GRK5: variants seen among roughly 807,000 people sequenced by gnomAD.
GRK5 encodes the protein g protein-coupled receptor kinase GRK5.
GRK5 carries 40 observed loss-of-function variants against 78.4 expected under a neutral mutation model. That is an observed-to-expected ratio of 0.51 (90% confidence interval 0.40 to 0.66). The LOEUF (loss-of-function observed/expected upper bound fraction) is 0.66. Ranked by LOEUF, GRK5 falls within the 30% of genes least tolerant of loss-of-function variation. GRK5 has a pLI of 0.00. For synonymous variants in GRK5, 289 were observed against 296.8 expected, an observed-to-expected ratio of 0.97 and a Z score of 0.27; for missense variants, 598 against 759.9, an observed-to-expected ratio of 0.79 and a Z score of 2.50.
In GRK5 at chr10:119,392,213, G is replaced by A. The variant is rs79065540; in HGVS notation, c.262-4482G>A. ...TTTCCACTCTTTGGAAGGCACAGATGTAGAAATAATTCTTTGTTCCTTAAG... is the reference window on the plus strand; with the variant it reads ...TTTCCACTCTTTGGAAGGCACAGATATAGAAATAATTCTTTGTTCCTTAAG... On this transcript the variant is annotated intron_variant, in intron 3 of 15. Coordinates refer to ENST00000392870, the MANE Select transcript of GRK5 (RefSeq NM_005308.3). Among the ~76,000 whole-genome samples, 844 of 152,334 alleles carry A rather than the reference G, an allele frequency of 5.5e-3. 12 individuals are homozygous for A. Among genetic ancestry groups the A allele is most frequent in the African/African-American group, 0.02 (815 of 41,570 alleles).
chr10:119,427,801 A>G (rs1323983177), intron 6 of GRK5, among the ~76,000 whole-genome samples: 1 of 129,250 alleles, frequency 7.7e-6, no homozygotes, highest in African/African-American at 2.5e-5. Flanking sequence ...CATCACCACC[A>G]TCAACAGCAT....
At chr10:119,330,548 A>T (rs1316795251) in intron 2 of GRK5, among the ~76,000 whole-genome samples, 1 of 152,094 alleles carries the variant, frequency 6.6e-6, no homozygotes, top group African/African-American at 2.4e-5. Context: ...TGCAGGGAGG[A>T]TGCGGACATT....
At chr10:119,300,858 C>G (rs1049378292) in intron 1 of GRK5, among the ~76,000 whole-genome samples, 2 of 151,896 alleles carry the variant, frequency 1.3e-5, no homozygotes, top group Non-Finnish European at 2.9e-5. Flanking sequence ...TTTGGGAGGC[C>G]GAAGGTGGAT....
intron 2 of GRK5, among the ~76,000 whole-genome samples, chr10:119,374,029 AG>A (rs1331733310): frequency 6.6e-6 from 1 of 152,206 alleles, no homozygotes; most frequent in Middle Eastern, 3.4e-3. Flanking sequence ...CCTTAGAACC[AG>A]GGGGTGAGAT....
At chr10:119,333,630 A>ACTCAGGGCAGGGCCCCAGCCAGTT in intron 2 of GRK5, 2 of 396,838 alleles carry the variant, frequency 5.0e-6, no homozygotes, top group South Asian at 3.7e-5. Flanking sequence ...CCCAGCCAGT[A>ACTCAGGGCAGGGCCCCAGCCAGTT]CTCAAGGCAG....
At chr10:119,303,013 A>G (rs1410647274) in intron 1 of GRK5, among the ~76,000 whole-genome samples, 2 of 152,158 alleles carry the variant, frequency 1.3e-5, no homozygotes, top group African/African-American at 4.8e-5. Flanking sequence ...CATTTTAGAG[A>G]GGCGGGACCT....
chr10:119,218,095 T>C (rs571232725), intron 1 of GRK5, among the ~76,000 whole-genome samples: 1 of 152,082 alleles, frequency 6.6e-6, no homozygotes, highest in South Asian at 2.1e-4. Context: ...TGTGTGTGTG[T>C]GTGTGTGTTG....
At chr10:119,332,678 C>G (rs1284525673) in intron 2 of GRK5, among the ~76,000 whole-genome samples, 1 of 152,218 alleles carries the variant, frequency 6.6e-6, no homozygotes, top group Non-Finnish European at 1.5e-5. Flanking sequence ...CTGTGCTGCC[C>G]TATGTGAGCT....
At chr10:119,414,824 G>T in intron 4 of GRK5, among the ~76,000 whole-genome samples, 1 of 152,198 alleles carries the variant, frequency 6.6e-6, no homozygotes, top group East Asian at 1.9e-4. Context: ...ACGCATACCT[G>T]TAATCCCAGC....
chr10:119,435,181 G>T (rs187642215), intron 8 of GRK5, among the ~76,000 whole-genome samples: 4 of 152,360 alleles, frequency 2.6e-5, no homozygotes, highest in Non-Finnish European at 4.4e-5. Context: ...GATGGGAGGG[G>T]CTGCTGTGAA....
chr10:119,346,160 C>T (rs955153569), intron 2 of GRK5, among the ~76,000 whole-genome samples: 4 of 152,136 alleles, frequency 2.6e-5, no homozygotes, highest in African/African-American at 9.7e-5. Flanking sequence ...CTGGGCTCTG[C>T]GGGAGCCCAG....
At chr10:119,286,495 G>T (rs570630052) in intron 1 of GRK5, among the ~76,000 whole-genome samples, 60 of 152,374 alleles carry the variant, frequency 3.9e-4, no homozygotes, top group African/African-American at 1.4e-3. Context: ...ACACGTGGGG[G>T]TCTGGAGGGC....
At chr10:119,427,053 T>G (rs1317445574) in intron 6 of GRK5, among the ~76,000 whole-genome samples, 1 of 149,684 alleles carries the variant, frequency 6.7e-6, no homozygotes, top group South Asian at 2.1e-4. Flanking sequence ...ACCACCATCA[T>G]CAATATCACT....
intron 2 of GRK5, among the ~76,000 whole-genome samples, chr10:119,330,894 GC>G (rs1190862823): frequency 1.3e-5 from 2 of 152,164 alleles, no homozygotes; most frequent in Non-Finnish European, 2.9e-5. Context: ...GGTGGTGGGT[GC>G]CTGTAATCCC....
At chr10:119,302,072 T>C (rs984209115) in intron 1 of GRK5, among the ~76,000 whole-genome samples, 1 of 152,240 alleles carries the variant, frequency 6.6e-6, no homozygotes, top group African/African-American at 2.4e-5. Flanking sequence ...CTGGACTTTT[T>C]CCCTTGCAGG....
intron 1 of GRK5, among the ~76,000 whole-genome samples, chr10:119,292,128 ATCTTCCTCCTTCTCCTCC>A (rs1441449279): frequency 1.9e-3 from 13 of 6,820 alleles, no homozygotes; most frequent in South Asian, 0.016. Context: ...CCCTCTCCTC[ATCTTCCTCCTTCTCCTCC>A]TCTTCCTCCT....
chr10:119,442,707 C>T (rs7893151), intron 11 of GRK5, among the ~76,000 whole-genome samples: 4 of 152,350 alleles, frequency 2.6e-5, no homozygotes, highest in East Asian at 3.9e-4. Context: ...GGAGCAGGCA[C>T]GCTGCCGCCC....
intron 5 of GRK5, among the ~76,000 whole-genome samples, chr10:119,423,881 T>C (rs1852620587): frequency 6.6e-6 from 1 of 152,198 alleles, no homozygotes; most frequent in Non-Finnish European, 1.5e-5. Context: ...TGGATGATCT[T>C]AGGGGCTTTT....
chr10:119,447,939 CCAGG>C (rs1853188528), intron 12 of GRK5, among the ~76,000 whole-genome samples, 180 bp from the exon 13 acceptor site: 1 of 152,216 alleles, frequency 6.6e-6, no homozygotes, highest in Admixed American at 6.5e-5. Flanking sequence ...AGGCATCTAG[CCAGG>C]CTGTGAGTGT....
Sources: allele counts gnomAD v4.1 joint callset (sites outside exome capture counted in the v4.1 genomes callset), GRCh38; gene constraint gnomAD v4.1.1; transcripts MANE v1.5; gene names NCBI Gene and HGNC (gene_info 2026-07-23, HGNC 2026-07-21).